SLIT2: variants seen among roughly 807,000 people sequenced by gnomAD.
SLIT2 encodes the protein slit guidance ligand 2, also known as slit homolog 2 protein.
SLIT2 carries 41 observed loss-of-function variants against 185.7 expected under a neutral mutation model. The ratio of observed to expected loss-of-function variants is 0.22; its 90% CI spans 0.17 to 0.29. The LOEUF is 0.29. SLIT2 is among the 10% of genes least tolerant of loss of function. The probability of loss-of-function intolerance (pLI) is 1.00; values close to 1 mark genes in which losing one functional copy is unlikely to be tolerated. For missense variants in SLIT2, 1,571 were observed against 1,909.0 expected, an observed-to-expected ratio of 0.82 and a Z score of 3.30; for synonymous variants, 693 against 680.2, an observed-to-expected ratio of 1.02 and a Z score of -0.29.
chr4:20,396,225 A>G (rs1725878668), intron 4 of SLIT2, among the ~76,000 whole-genome samples: 1 of 151,994 alleles, frequency 6.6e-6, no homozygotes, highest in Non-Finnish European at 1.5e-5. Flanking sequence ...TGTATTTAAC[A>G]AACACCATGT....
At chr4:20,580,609 T>A (rs1726479850) in intron 29 of SLIT2, among the ~76,000 whole-genome samples, 1 of 152,152 alleles carries the variant, frequency 6.6e-6, no homozygotes, top group African/African-American at 2.4e-5. Context: ...ATTGTTGTTA[T>A]TATTTGGTGG....
intron 4 of SLIT2, among the ~76,000 whole-genome samples, chr4:20,332,639 A>G (rs1051970542): frequency 2.0e-5 from 3 of 152,086 alleles, no homozygotes; most frequent in African/African-American, 7.2e-5. Context: ...GCGCCACTGC[A>G]TTCCAGCCTG....
chr4:20,280,241 G>A (rs1416790914), intron 4 of SLIT2, among the ~76,000 whole-genome samples: 1 of 150,932 alleles, frequency 6.6e-6, no homozygotes, highest in Admixed American at 6.6e-5. Context: ...GCTGAGGCAG[G>A]AGAATGGCGT....
At chr4:20,365,650 A>G (rs1248829751) in intron 4 of SLIT2, among the ~76,000 whole-genome samples, 1 of 152,062 alleles carries the variant, frequency 6.6e-6, no homozygotes, top group South Asian at 2.1e-4. Context: ...GGCTGCCCCT[A>G]CCTGGAAGAT....
At chr4:20,535,710 T>C (rs1432126915) in intron 18 of SLIT2, among the ~76,000 whole-genome samples, 2 of 152,156 alleles carry the variant, frequency 1.3e-5, no homozygotes, top group Non-Finnish European at 2.9e-5. Flanking sequence ...TCTCACTGTT[T>C]CTTCAAATGA....
At chr4:20,579,718 A>G (rs1219815839) in intron 29 of SLIT2, among the ~76,000 whole-genome samples, 1 of 151,952 alleles carries the variant, frequency 6.6e-6, no homozygotes, top group Non-Finnish European at 1.5e-5. Flanking sequence ...GAGAGAGTAC[A>G]TGTAAACTAA....
intron 4 of SLIT2, among the ~76,000 whole-genome samples, chr4:20,293,498 G>T (rs1291549749): frequency 6.6e-6 from 1 of 152,164 alleles, no homozygotes; most frequent in Non-Finnish European, 1.5e-5. Flanking sequence ...AATGAGAGCT[G>T]GTTCCCTCAG....
At chr4:20,464,050 T>C (rs1180927065) in intron 4 of SLIT2, among the ~76,000 whole-genome samples, 1 of 152,118 alleles carries the variant, frequency 6.6e-6, no homozygotes, top group African/African-American at 2.4e-5. Flanking sequence ...GTTTTGGTTC[T>C]TCATGCATCC....
Position 20,332,283 on chromosome 4 carries a change from G to A in SLIT2, c.395+63402G>A, listed in dbSNP as rs373341727. On this transcript the variant is annotated intron_variant, in intron 4 of 36. Transcript: ENST00000504154. ...TAGTAAAATGTGCAAGTGAAGTGGA[G>A]AGAGCAGATACCCGTGTTTTATTCC... Among the ~76,000 whole-genome samples, 3 of 152,186 alleles carry A rather than the reference G, an allele frequency of 2.0e-5. No individual in the cohort carries two copies. In the East Asian group the frequency reaches 5.8e-4, roughly 29 times the overall value.
intron 4 of SLIT2, among the ~76,000 whole-genome samples, chr4:20,315,376 A>G (rs1208361814): frequency 6.6e-6 from 1 of 152,134 alleles, no homozygotes; most frequent in East Asian, 1.9e-4. Context: ...AAGATAAACT[A>G]GAGTTGTTAC....
intron 29 of SLIT2, among the ~76,000 whole-genome samples, chr4:20,586,539 C>G (rs10018883): frequency 0.031 from 4,746 of 152,232 alleles, 251 homozygotes; most frequent in African/African-American, 0.1. Context: ...ATATAAAATG[C>G]ACACATAACA....
At chr4:20,540,319 G>T (rs1275378259) in intron 19 of SLIT2, among the ~76,000 whole-genome samples, 2 of 151,414 alleles carry the variant, frequency 1.3e-5, no homozygotes, top group Non-Finnish European at 2.9e-5. Flanking sequence ...CATTTGAAAT[G>T]ACAGTAGATA....
intron 4 of SLIT2, among the ~76,000 whole-genome samples, chr4:20,313,566 TTCTTTTTTTC>T (rs1381850944): frequency 6.6e-6 from 1 of 152,180 alleles, no homozygotes; most frequent in Non-Finnish European, 1.5e-5. Context: ...ACTTTCTGCC[TTCTTTTTTTC>T]TTTTTTAGTA....
chr4:20,496,757 A>G (rs1718261876), intron 9 of SLIT2, among the ~76,000 whole-genome samples: 2 of 152,200 alleles, frequency 1.3e-5, no homozygotes, highest in South Asian at 4.1e-4. Context: ...CTTGGCACAT[A>G]GTAGGCACTT....
rs373168760 is a variant in SLIT2 at position 20,594,082 on chromosome 4, TAA to T, written c.3183-1614_3183-1613del. Among the ~76,000 whole-genome samples, 300 of 148,890 alleles carry T rather than the reference TAA, an allele frequency of 2.0e-3. 2 individuals are homozygous for T. The highest frequency in any genetic ancestry group is 7.0e-3 in the African/African-American group (277 of 39,788). Reference sequence around the variant, plus strand: ...CTGCAAAGCCTGAATTCTGCAGAGCTAAGTTATACTTTTCTCATATATACACA... The same window carrying T: ...CTGCAAAGCCTGAATTCTGCAGAGCTGTTATACTTTTCTCATATATACACA... On this transcript the variant is annotated intron_variant, in intron 30 of 36. Transcript: ENST00000504154.
rs1158215929 is a variant in SLIT2 at position 20,449,655 on chromosome 4, C to T, written c.396-18097C>T. ...AACTCCTGACCTCGTGATCCACCCA[C>T]CTCGGCCTCTCAAAGTGCTGGGATT... is the stretch of plus-strand genomic sequence containing the variant. On this transcript the variant is annotated intron_variant, in intron 4 of 36. Coordinates refer to ENST00000504154, the MANE Select transcript of SLIT2 (RefSeq NM_004787.4). 2.0e-5 allele frequency among the ~76,000 whole-genome samples: 3 copies of T among 152,254 alleles called. No individual in the cohort carries two copies. In the East Asian group the frequency reaches 5.8e-4, roughly 29 times the overall value.
chr4:20,332,337 G>T (rs1010089292), intron 4 of SLIT2, among the ~76,000 whole-genome samples: 1 of 152,110 alleles, frequency 6.6e-6, no homozygotes, highest in Non-Finnish European at 1.5e-5. Context: ...ATTTTTCATA[G>T]ACACCAGGAT....
At chr4:20,511,587 ATTTT>A (rs759622666) in intron 11 of SLIT2, among the ~76,000 whole-genome samples, 3 of 82,210 alleles carry the variant, frequency 3.6e-5, no homozygotes, top group South Asian at 9.0e-4. Context: ...CATCCAGCTA[ATTTT>A]TTTTTTTTTT....
chr4:20,255,208 G>A (rs1711679721), intron 1 of SLIT2: 1 of 365,196 alleles, frequency 2.7e-6, no homozygotes, highest in Non-Finnish European at 5.4e-6. Context: ...TTCGGGCCGT[G>A]GAGAGGAGGC....
Sources: allele counts gnomAD v4.1 joint callset (sites outside exome capture counted in the v4.1 genomes callset), GRCh38; gene constraint gnomAD v4.1.1; transcripts MANE v1.5; gene names NCBI Gene and HGNC (gene_info 2026-07-23, HGNC 2026-07-21).